The following EFNA5 variants were observed in gnomAD, a reference collection of about 807,000 sequenced individuals.
EFNA5 encodes ephrin-A5.
Under a neutral mutation model 22.9 loss-of-function variants are expected in EFNA5, and 5 were observed. That is an observed-to-expected ratio of 0.22 (90% CI 0.11 to 0.46). The LOEUF is 0.46. EFNA5 is among the 20% of genes least tolerant of loss of function. The pLI, the probability that EFNA5 is intolerant of heterozygous loss-of-function variation, is 0.99. For synonymous variants in EFNA5, 113 were observed against 112.2 expected, an observed-to-expected ratio of 1.01 and a Z score of -0.04; for missense variants, 237 against 293.3, an observed-to-expected ratio of 0.81 and a Z score of 1.40.
At position 107,590,502 on chromosome 5, in the gene EFNA5, C is replaced by T. The variant is rs144662515; in HGVS notation, c.125+79987G>A. Among the ~76,000 whole-genome samples the T allele has an allele frequency of 2.6e-3, 393 of 152,176 alleles. 16 individuals carry two copies. In the East Asian group the frequency reaches 0.071, roughly 28 times the overall value. The stretch of plus-strand genomic sequence containing the variant: ...CTCCTGGGCTCAAGTAATCCTTCTG[C>T]CTCAGCCTCCCAAGTAACTGGGACT... On this transcript the variant is annotated intron_variant, in intron 1 of 4. Coordinates refer to ENST00000333274, the MANE Select transcript of EFNA5 (RefSeq NM_001962.3).
chr5:107,435,210 C>T (rs572642079), intron 1 of EFNA5, among the ~76,000 whole-genome samples: 1 of 151,702 alleles, frequency 6.6e-6, no homozygotes, highest in Non-Finnish European at 1.5e-5. Flanking sequence ...ATGGGCAGGA[C>T]AGCAGTCTCT....
intron 2 of EFNA5, among the ~76,000 whole-genome samples, chr5:107,395,034 C>CTTTAGTTCTTTTTTTTTTTT (rs1747883567): frequency 1.3e-4 from 11 of 86,142 alleles, no homozygotes; most frequent in Non-Finnish European, 2.2e-4. Context: ...ATTTCTAGTT[C>CTTTAGTTCTTTTTTTTTTTT]TTTTTTTTTT....
intron 1 of EFNA5, among the ~76,000 whole-genome samples, chr5:107,527,531 C>T (rs111319499): frequency 0.044 from 6,754 of 152,018 alleles, 465 homozygotes; most frequent in African/African-American, 0.15. Context: ...GTGATCCACC[C>T]GCCTCAGCCT....
chr5:107,632,573 C>G (rs1191417563), intron 1 of EFNA5, among the ~76,000 whole-genome samples: 13 of 152,116 alleles, frequency 8.5e-5, no homozygotes, highest in Admixed American at 7.2e-4. Context: ...CTTCCTTGTT[C>G]TTCTCTTCAT....
At chr5:107,398,724 G>T (rs1747997623) in intron 2 of EFNA5, among the ~76,000 whole-genome samples, 1 of 151,394 alleles carries the variant, frequency 6.6e-6, no homozygotes, top group South Asian at 2.1e-4. Flanking sequence ...GTGTGGTGAT[G>T]TGTACCTATG....
intron 1 of EFNA5, among the ~76,000 whole-genome samples, chr5:107,537,468 G>T (rs1189285609): frequency 5.9e-5 from 9 of 152,230 alleles, no homozygotes; most frequent in Non-Finnish European, 1.2e-4. Flanking sequence ...GTGTGGTGGC[G>T]GCTGCCTGTA....
At chr5:107,402,664 T>C (rs1422651091) in intron 2 of EFNA5, among the ~76,000 whole-genome samples, 1 of 152,214 alleles carries the variant, frequency 6.6e-6, no homozygotes, top group African/African-American at 2.4e-5. Flanking sequence ...GCACCTTCCA[T>C]TGATAGCAAC....
At chr5:107,655,860 G>A (rs1441219605) in intron 1 of EFNA5, among the ~76,000 whole-genome samples, 2 of 152,094 alleles carry the variant, frequency 1.3e-5, no homozygotes, top group Admixed American at 6.6e-5. Flanking sequence ...TCAGCTACAT[G>A]TTGTTATGAT....
intron 1 of EFNA5, among the ~76,000 whole-genome samples, chr5:107,649,258 C>T (rs1376417741): frequency 6.6e-6 from 1 of 152,150 alleles, no homozygotes; most frequent in Non-Finnish European, 1.5e-5. Flanking sequence ...AAAAACCTGA[C>T]TCCAGGCCTT....
chr5:107,445,713 C>T (rs1369756465), intron 1 of EFNA5, among the ~76,000 whole-genome samples: 5 of 152,204 alleles, frequency 3.3e-5, no homozygotes, highest in Admixed American at 1.3e-4. Context: ...AAGATGTCCA[C>T]GAACACTAAT....
intron 2 of EFNA5, among the ~76,000 whole-genome samples, chr5:107,420,638 G>A (rs1415860358): frequency 6.6e-6 from 1 of 150,880 alleles, no homozygotes; most frequent in African/African-American, 2.4e-5. Context: ...TTTTTTTAAA[G>A]TACTAAAATA....
rs561419193 is a variant in EFNA5 at position 107,618,999 on chromosome 5, G to A, written c.125+51490C>T. 1.7e-3 allele frequency among the ~76,000 whole-genome samples: 252 copies of A among 151,684 alleles called. 2 individuals are homozygous for A. The highest frequency in any genetic ancestry group is 5.9e-3 in the African/African-American group (245 of 41,366). On this transcript the variant is annotated intron_variant, in intron 1 of 4. Transcript: ENST00000333274. ...TGCAGTGGTGCGATCTCAGCTCACT[G>A]CAAGCTCTGCCTCCCGGGTTCATGC...
intron 1 of EFNA5, among the ~76,000 whole-genome samples, chr5:107,500,115 C>A (rs1045615731): frequency 2.6e-5 from 4 of 152,170 alleles, no homozygotes; most frequent in Admixed American, 1.3e-4. Context: ...TTTATTCACC[C>A]AAATGCCACT....
intron 1 of EFNA5, among the ~76,000 whole-genome samples, chr5:107,487,926 T>C (rs1241313503): frequency 1.3e-5 from 2 of 152,232 alleles, no homozygotes; most frequent in Non-Finnish European, 2.9e-5. Flanking sequence ...GACTACTGTA[T>C]TATATCCAAC....
At chr5:107,447,874 G>A (rs1749437804) in intron 1 of EFNA5, among the ~76,000 whole-genome samples, 1 of 151,840 alleles carries the variant, frequency 6.6e-6, no homozygotes, top group East Asian at 1.9e-4. Context: ...CTGAGATGGA[G>A]TCTGGTTCTG....
At chr5:107,457,397 C>A (rs1487648862) in intron 1 of EFNA5, among the ~76,000 whole-genome samples, 1 of 151,954 alleles carries the variant, frequency 6.6e-6, no homozygotes, top group Non-Finnish European at 1.5e-5. Context: ...TGCTTAAGTC[C>A]CTGATATAAA....
At chr5:107,478,640 A>G (rs1451112172) in intron 1 of EFNA5, among the ~76,000 whole-genome samples, 5 of 152,216 alleles carry the variant, frequency 3.3e-5, no homozygotes, top group Admixed American at 6.5e-5. Flanking sequence ...CAGCATGTAA[A>G]AAGTACGGAG....
chr5:107,381,852 C>A (rs1747471319), intron 4 of EFNA5, among the ~76,000 whole-genome samples: 1 of 152,164 alleles, frequency 6.6e-6, no homozygotes, highest in Non-Finnish European at 1.5e-5. Context: ...GTGTTGAATG[C>A]CTGGTTGTTG....
chr5:107,644,568 GTTTAT>G (rs769119905), intron 1 of EFNA5, among the ~76,000 whole-genome samples: 2 of 152,210 alleles, frequency 1.3e-5, no homozygotes, highest in African/African-American at 2.4e-5. Flanking sequence ...ATGAATAACT[GTTTAT>G]TTTGTCATCA....
Sources: gnomAD v4.1 joint callset for allele counts (sites outside exome capture counted in the v4.1 genomes callset) on GRCh38, gnomAD v4.1.1 for gene constraint, MANE v1.5 for transcripts, NCBI Gene and HGNC (gene_info 2026-07-23, HGNC 2026-07-21) for gene names.